LTK: variants seen among roughly 807,000 people sequenced by gnomAD.
The protein encoded by LTK is leukocyte receptor tyrosine kinase, also known as leukocyte tyrosine kinase receptor.
Under a neutral mutation model 101.5 loss-of-function variants are expected in LTK, and 117 were observed. That is an observed-to-expected ratio of 1.15 (90% CI 0.99 to 1.34). The LOEUF is 1.34. LTK is among the 40% of genes most tolerant of loss of function. LTK has a pLI of 0.00. For missense variants in LTK, 1,252 were observed against 1,164.7 expected, an observed-to-expected ratio of 1.07 and a Z score of -1.09; for synonymous variants, 563 against 494.2, an observed-to-expected ratio of 1.14 and a Z score of -1.85.
intron 11 of LTK, 28 bp from the exon 12 acceptor site, chr15:41,506,033 G>C: frequency 1.3e-6 from 2 of 1,527,932 alleles, no homozygotes; most frequent in South Asian, 1.1e-5. Context: ...GGAAGGGAGT[G>C]GGCAGGCGGC....
chr15:41,504,752 G>GGAGGGGAAGGT (rs765647690), intron 17 of LTK, 21 bp downstream of exon 17: 94 of 1,603,412 alleles, frequency 5.9e-5, no homozygotes, highest in Non-Finnish European at 7.5e-5. Context: ...GTGGGGAAGG[G>GGAGGGGAAGGT]GAGGGGAAGG....
intron 7 of LTK, among the ~76,000 whole-genome samples, chr15:41,509,855 A>G (rs1326588240): frequency 6.6e-6 from 1 of 151,922 alleles, no homozygotes; most frequent in Non-Finnish European, 1.5e-5. Context: ...GCCAGACTCC[A>G]TCTAAAAAAA....
In LTK at chr15:41,513,814, T is replaced by C. The variant is rs2051577755; in HGVS notation, c.-105A>G. ...TGCCACGGCAGCCCTGGCCACCACTTACAGGGGTGTGCTGCCGCTGGCGAG... is the reference window on the plus strand; with the variant it reads ...TGCCACGGCAGCCCTGGCCACCACTCACAGGGGTGTGCTGCCGCTGGCGAG... On this transcript the variant is annotated 5_prime_UTR_variant, in exon 1 of 20. Coordinates refer to ENST00000263800, the MANE Select transcript of LTK (RefSeq NM_002344.6). 2.0e-6 allele frequency: 2 copies of C among 1,001,684 alleles called. No homozygotes were observed. The highest frequency in any genetic ancestry group is 1.6e-5 in the African/African-American group (1 of 62,890). The allele number at this position is 1,001,684 out of a possible 1,614,324, so 62.0% of individuals were successfully genotyped here. A position where few individuals can be genotyped will look rare whatever the true frequency, so the allele number is the denominator to read the frequency against.
chr15:41,511,395 G>A lies in LTK; in HGVS notation c.814+27C>T. ...TGGCAGCCACACGGGGAGCACGCCC[G>A]CCTCTCCCCGCGGCCCGCGCCCTCA... is the stretch of plus-strand genomic sequence containing the variant. On this transcript the variant is annotated intron_variant, in intron 6 of 19. Transcript: ENST00000263800. This position sits in a 1 kb window ranked among gnomAD's most constrained non-coding sequence, Gnocchi z 5.9. 2.9e-6 allele frequency: 4 copies of A among 1,371,192 alleles called. No homozygotes were observed. Among genetic ancestry groups the A allele is most frequent in the South Asian group, 1.7e-5 (1 of 58,318 alleles). 84.9% of individuals were successfully genotyped at this position (1,371,192 alleles called of 1,614,324 possible).
Position 41,513,071 on chromosome 15 carries a change from G to C in LTK, c.93C>G (p.Ser31=). 6.2e-7 allele frequency: 1 copy of C among 1,611,428 alleles called. No homozygotes were observed. Among genetic ancestry groups the C allele is most frequent in the Non-Finnish European group, 8.5e-7 (1 of 1,179,230 alleles). Residue 31 remains serine, a synonymous_variant, in exon 2 of 20, where the codon TCC becomes TCG. Transcript: ENST00000263800. ...SPGSQETFLR[S]SPLPLASPSP... ...TGGGACTTGCCAGCGGCAGGGGCGA[G>C]GACCGCAGAAAAGTCTCCTGGGACC...
Position 41,507,276 on chromosome 15 carries a change from ACTT to A in LTK, c.1357_1359del (p.Lys453del), listed in dbSNP as rs753256907. 4.4e-5 allele frequency: 70 copies of A among 1,597,020 alleles called. No homozygotes were observed. Among genetic ancestry groups the A allele is most frequent in the East Asian group, 3.8e-4 (17 of 44,636 alleles). ...AGCCTCATCTCCTGCAGGCCCTGCC[ACTT>A]CTTCTGCTTCACTGGGGGTGGGAAG... On this transcript the variant is annotated inframe_deletion, in exon 11 of 20. Coordinates refer to ENST00000263800, the MANE Select transcript of LTK (RefSeq NM_002344.6).
chr15:41,505,810 C>G, intron 12 of LTK, 33 bp from the exon 13 acceptor site: 2 of 1,611,052 alleles, frequency 1.2e-6, no homozygotes, highest in Non-Finnish European at 1.7e-6. Flanking sequence ...TTCTGAGCTG[C>G]CCTGCACGCT....
In LTK at chr15:41,504,414, C is replaced by T. The variant is rs2051178852; in HGVS notation, c.2274G>A (p.Gln758=). 4 of 1,614,172 alleles carry T rather than the reference C, an allele frequency of 2.5e-6. No homozygotes were observed. Among genetic ancestry groups the T allele is most frequent in the African/African-American group, 1.3e-5 (1 of 75,056 alleles). The change falls in exon 19 of 20, where the codon CAG becomes CAA. Residue 758 remains glutamine (Q), a synonymous_variant. Transcript: ENST00000263800. ...GGAGCTCAGGCTCGTGCTGCCAACA[C>T]TGGGTCATGATGCGGTACCTGGGGA... ...CPGPVYRIMT[Q]CWQHEPELRP...
rs1039661556 is a variant in LTK at position 41,509,259 on chromosome 15, C to T, written c.998-130G>A. The T allele has an allele frequency of 1.6e-4, 116 of 705,706 alleles. No homozygotes were observed. In the African/African-American group the frequency reaches 1.8e-3, roughly 11 times the overall value. 43.7% of individuals were successfully genotyped at this position (705,706 alleles called of 1,614,324 possible). On this transcript the variant is annotated intron_variant, in intron 7 of 19. Transcript: ENST00000263800. ...TCATGATGCAAATGCTGTCTGTTCA[C>T]AAGTGGGAGTGAAGGAGGTGAGGAG...
At position 41,508,157 on chromosome 15, in the gene LTK, T is replaced by C; in HGVS notation, c.1161A>G (p.Arg387=). Residue 387 remains arginine, a synonymous_variant, in exon 9 of 20, where the codon AGA becomes AGG. Coordinates refer to ENST00000263800, the MANE Select transcript of LTK (RefSeq NM_002344.6). ...RHLNCSHCPL[R]DCQWQAELQL... ...GGAGCTCTGCCTGCCATTGGCAGTCTCTCAAAGGGCAGTGACTGCAGTTGA... is the reference window on the plus strand; with the variant it reads ...GGAGCTCTGCCTGCCATTGGCAGTCCCTCAAAGGGCAGTGACTGCAGTTGA... 6.2e-7 allele frequency: 1 copy of C among 1,613,356 alleles called. No homozygotes were observed. Among genetic ancestry groups the C allele is most frequent in the East Asian group, 2.2e-5 (1 of 44,838 alleles).
intron 7 of LTK, among the ~76,000 whole-genome samples, chr15:41,510,637 T>C (rs528867635): frequency 6.6e-6 from 1 of 152,264 alleles, no homozygotes; most frequent in Non-Finnish European, 1.5e-5. Flanking sequence ...AATTTTTGTA[T>C]TTTTAGTACA....
Position 41,511,616 on chromosome 15 carries a change from A to G in LTK, c.658-38T>C. ...CGGCGTGTTCCAGGAAGCGCCCTCC[A>G]GCTGTCCAGGGGCACTGCCACTGGG... On this transcript the variant is annotated intron_variant, in intron 5 of 19. Coordinates refer to ENST00000263800, the MANE Select transcript of LTK (RefSeq NM_002344.6). This position sits in a 1 kb window ranked among gnomAD's most constrained non-coding sequence, Gnocchi z 5.9. The G allele has an allele frequency of 2.1e-6, 3 of 1,421,218 alleles. No individual in the cohort carries two copies. The highest frequency in any genetic ancestry group is 2.7e-6 in the Non-Finnish European group (3 of 1,099,408). The allele number at this position is 1,421,218 out of a possible 1,614,324, so 88.0% of individuals were successfully genotyped here.
chr15:41,504,736 G>C (rs748604191), intron 17 of LTK, 37 bp downstream of exon 17: 3 of 1,603,210 alleles, frequency 1.9e-6, no homozygotes, highest in Non-Finnish European at 2.6e-6. Flanking sequence ...TCAGGGGAGG[G>C]GAACAGTGGG....
In LTK at chr15:41,508,093, C is replaced by T; in HGVS notation, c.1225G>A (p.Ala409Thr). Residue 409 changes from alanine (A) to threonine (T), a missense_variant, in exon 9 of 20, where the codon GCT (alanine) becomes ACT (threonine). Physicochemically the swap from Ala to Thr is moderately conservative, Grantham distance 58 (BLOSUM62 0). Transcript: ENST00000263800. ...CCCATGCAGGTGACGTTATCCACAG[C>T]TAGCTCCATGCCTTCTGGGCACAGG... is the stretch of plus-strand genomic sequence containing the variant. ...ECLCPEGMELAVDNVTCMDLH... is the reference protein window; with the variant it reads ...ECLCPEGMELTVDNVTCMDLH... 1 of 1,611,110 alleles carries T rather than the reference C, an allele frequency of 6.2e-7. No homozygotes were observed. The highest frequency in any genetic ancestry group is 8.5e-7 in the Non-Finnish European group (1 of 1,178,650).
intron 7 of LTK, among the ~76,000 whole-genome samples, chr15:41,509,409 G>A (rs1004491612): frequency 1.3e-5 from 2 of 152,162 alleles, no homozygotes; most frequent in African/African-American, 4.8e-5. Flanking sequence ...ATGTGTGTAT[G>A]TATGAGCAGT....
Position 41,511,551 on chromosome 15 carries a change from G to T in LTK, c.685C>A (p.Leu229Met). ...RVRAGELEPL[L>M]VAAGGGGRAY... ...CGACCGCCGCCTCCGGCCGCCACCA[G>T]CAACGGTTCCAGCTCGCCAGCGCGC... is the stretch of plus-strand genomic sequence containing the variant. Residue 229 changes from leucine (L) to methionine (M), a missense_variant, in exon 6 of 20, where the codon CTG becomes ATG. By Grantham distance (15) the Leu-to-Met change is conservative. Transcript: ENST00000263800. The surrounding 1 kb of genome is among the most constrained non-coding windows in gnomAD (Gnocchi z 5.9). 1 of 1,456,376 alleles carries T rather than the reference G, an allele frequency of 6.9e-7. No individual in the cohort carries two copies. The allele number at this position is 1,456,376 out of a possible 1,614,324, so 90.2% of individuals were successfully genotyped here.
chr15:41,505,974 A>C lies in LTK; in HGVS notation c.1573T>G (p.Tyr525Asp). ...GGAAGGCCAATTACCAGTCCCTCAT[A>C]CACCTCCCCAAAGGCACCATGGCCC... The part of the protein sequence containing the change: ...ALGHGAFGEV[Y>D]EGLVIGLPGD... The change falls in exon 12 of 20, where the codon TAT (tyrosine) becomes GAT (aspartate). Residue 525 changes from tyrosine to aspartate, a missense_variant. Transcript: ENST00000263800. 6.2e-7 allele frequency: 1 copy of C among 1,613,880 alleles called. No homozygotes were observed. The highest frequency in any genetic ancestry group is 8.5e-7 in the Non-Finnish European group (1 of 1,179,898).
chr15:41,508,104 C>A lies in LTK; in HGVS notation c.1214G>T (p.Gly405Val). ...LQLAECLCPE[G>V]MELAVDNVTC... ...GACGTTATCCACAGCTAGCTCCATG[C>A]CTTCTGGGCACAGGCATTCAGCCAG... Residue 405 changes from glycine to valine, a missense_variant, in exon 9 of 20, where the codon GGC becomes GTC. By Grantham distance (109) the Gly-to-Val change is moderately radical. Transcript: ENST00000263800. The A allele has an allele frequency of 6.2e-7, 1 of 1,612,668 alleles. No homozygotes were observed. The highest frequency in any genetic ancestry group is 1.1e-5 in the South Asian group (1 of 90,914).
chr15:41,504,520 G>A lies in LTK; in HGVS notation c.2241C>T (p.Gly747=). 6.2e-7 allele frequency: 1 copy of A among 1,613,380 alleles called. No homozygotes were observed. The highest frequency in any genetic ancestry group is 8.5e-7 in the Non-Finnish European group (1 of 1,179,710). ...VGGGRMDPPR[G]CPGPVYRIMT... ...ACTCAACTCACACAGGCCCTGGGCA[G>A]CCCCTAGGAGGGTCCATCCGGCCTC... The change falls in exon 18 of 20, where the codon GGC becomes GGT. Residue 747 remains glycine (G), a synonymous_variant. Transcript: ENST00000263800.
Sources: gnomAD v4.1 joint callset for allele counts (sites outside exome capture counted in the v4.1 genomes callset) on GRCh38, gnomAD v4.1.1 for gene constraint, Gnocchi (gnomAD v3.1) non-coding constraint, MANE v1.5 for transcripts, NCBI Gene and HGNC (gene_info 2026-07-23, HGNC 2026-07-21) for gene names.